The following CSMD2 variants were observed in gnomAD, a reference collection of about 807,000 sequenced individuals.
CSMD2 encodes the protein CUB and sushi domain-containing protein 2.
In CSMD2, 130 loss-of-function variants were observed where a neutral mutation model predicts 398.5. The observed-to-expected ratio is 0.33, with a 90% CI of 0.28 to 0.38. The LOEUF is 0.38. Ranked by LOEUF, CSMD2 falls within the 10% of genes least tolerant of loss-of-function variation. CSMD2 has a pLI of 1.00. For missense variants in CSMD2, 3,829 were observed against 4,764.9 expected, an observed-to-expected ratio of 0.80 and a Z score of 5.78; for synonymous variants, 1,828 against 1,908.5, an observed-to-expected ratio of 0.96 and a Z score of 1.10.
intron 49 of CSMD2, 84 bp from the exon 50 acceptor site, chr1:33,572,775 G>A: frequency 1.8e-6 from 2 of 1,142,490 alleles, no homozygotes; most frequent in Non-Finnish European, 2.4e-6. Flanking sequence ...CCCCTCCCAA[G>A]GTCCTTTTAT....
Position 33,518,389 on chromosome 1 carries a change from A to ATG in CSMD2, c.*53+1074_*53+1075dup, listed in dbSNP as rs3043318. On this transcript the variant is annotated intron_variant, in intron 70 of 70. Transcript: ENST00000373381. The surrounding 1 kb of genome is among the most constrained non-coding windows in gnomAD (Gnocchi z 4.3). The stretch of plus-strand genomic sequence containing the variant: ...TGCATGCCTGTGTGCATGTATGCGT[A>ATG]TGTGTGTGTGTGTGTGTGCATGACC... Among the ~76,000 whole-genome samples, 33 of 150,622 alleles carry ATG rather than the reference A, an allele frequency of 2.2e-4. No individual in the cohort carries two copies. Among genetic ancestry groups the ATG allele is most frequent in the Admixed American group, 1.1e-3 (17 of 15,136 alleles).
intron 4 of CSMD2, among the ~76,000 whole-genome samples, chr1:33,929,817 T>C (rs1644255168): frequency 6.6e-6 from 1 of 152,108 alleles, no homozygotes. Context: ...CTCAGGGCCT[T>C]TGCACTTGCT....
At chr1:33,745,230 A>T (rs4282780) in intron 13 of CSMD2, among the ~76,000 whole-genome samples, 47,831 of 152,104 alleles carry the variant, frequency 0.31, 9,665 homozygotes, top group African/African-American at 0.58. Context: ...TTTGTTTATA[A>T]ATGGATAAAG....
At chr1:34,024,630 G>A (rs1649383886) in intron 3 of CSMD2, among the ~76,000 whole-genome samples, 1 of 152,176 alleles carries the variant, frequency 6.6e-6, no homozygotes, top group African/African-American at 2.4e-5. Flanking sequence ...TCCCAAGGCA[G>A]AGCCATCGGA....
intron 25 of CSMD2, among the ~76,000 whole-genome samples, chr1:33,686,648 C>T (rs530885022): frequency 6.6e-6 from 1 of 152,336 alleles, no homozygotes; most frequent in Admixed American, 6.5e-5. Context: ...CCTTGCCCAG[C>T]TTGCTGGAGC....
At chr1:33,517,030 G>A (rs1432721792) in intron 70 of CSMD2, among the ~76,000 whole-genome samples, 1 of 151,950 alleles carries the variant, frequency 6.6e-6, no homozygotes, top group Non-Finnish European at 1.5e-5. Context: ...ATGGAGGAAG[G>A]GTTGGCAAAC....
At chr1:33,849,857 T>C (rs1638572815) in intron 5 of CSMD2, among the ~76,000 whole-genome samples, 1 of 152,012 alleles carries the variant, frequency 6.6e-6, no homozygotes, top group South Asian at 2.1e-4. Context: ...GTAAACTATA[T>C]TATAATAGAG....
intron 3 of CSMD2, among the ~76,000 whole-genome samples, chr1:34,017,054 T>C (rs1648231404): frequency 6.6e-6 from 1 of 152,232 alleles, no homozygotes; most frequent in Non-Finnish European, 1.5e-5. Context: ...GTCAATAGAA[T>C]GTCAACTTTG....
intron 1 of CSMD2, among the ~76,000 whole-genome samples, chr1:34,094,647 CA>C (rs1317204848): frequency 6.6e-6 from 1 of 152,042 alleles, no homozygotes; most frequent in Admixed American, 6.6e-5. Flanking sequence ...CAACAAAGAT[CA>C]AAAGAGACAA....
intron 2 of CSMD2, among the ~76,000 whole-genome samples, chr1:34,037,291 T>C (rs764411265): frequency 6.6e-6 from 1 of 151,960 alleles, no homozygotes; most frequent in African/African-American, 2.4e-5. Context: ...CCAGCCTGTA[T>C]TGCACCCTCC....
In CSMD2 at chr1:33,595,208, T is replaced by G. The variant is rs574411879; in HGVS notation, c.6856+5657A>C. ...CTCCTTTAGTCTGGAATGGTTCCAG[T>G]GTCTTTACTTGACCTTCAGAACTTT... On this transcript the variant is annotated intron_variant, in intron 44 of 70. Coordinates refer to ENST00000373381, the MANE Select transcript of CSMD2 (RefSeq NM_001281956.2). 2.6e-4 allele frequency among the ~76,000 whole-genome samples: 39 copies of G among 152,378 alleles called. 1 individual carries two copies. The highest frequency in any genetic ancestry group is 1.0e-3 in the Admixed American group (16 of 15,310).
chr1:33,778,942 C>T (rs1189319140), intron 12 of CSMD2, among the ~76,000 whole-genome samples: 1 of 152,134 alleles, frequency 6.6e-6, no homozygotes, highest in Admixed American at 6.5e-5. Flanking sequence ...CTCCCACATA[C>T]CCAGAACCCT....
chr1:33,724,101 A>C, intron 19 of CSMD2, 96 bp downstream of exon 19: 1 of 824,560 alleles, frequency 1.2e-6, no homozygotes, highest in South Asian at 1.5e-5. Flanking sequence ...AGAGGTCACT[A>C]TCTAGGGAGA....
intron 19 of CSMD2, among the ~76,000 whole-genome samples, chr1:33,720,111 C>T (rs1179432445): frequency 5.3e-5 from 8 of 152,186 alleles, no homozygotes; most frequent in Non-Finnish European, 8.8e-5. Flanking sequence ...TCTGTTAACC[C>T]GAGATACTCT....
At chr1:33,842,012 C>T (rs1293327356) in intron 6 of CSMD2, among the ~76,000 whole-genome samples, 1 of 152,172 alleles carries the variant, frequency 6.6e-6, no homozygotes, top group Non-Finnish European at 1.5e-5. Context: ...TAGTTAACTG[C>T]TCACTAGATA....
At chr1:34,107,426 T>C (rs1660631502) in intron 1 of CSMD2, among the ~76,000 whole-genome samples, 2 of 152,160 alleles carry the variant, frequency 1.3e-5, no homozygotes, top group African/African-American at 2.4e-5. Flanking sequence ...GTACATATAA[T>C]AATTCATTCC....
intron 1 of CSMD2, among the ~76,000 whole-genome samples, chr1:34,100,243 TA>T (rs1659817811): frequency 6.6e-6 from 1 of 152,080 alleles, no homozygotes; most frequent in Non-Finnish European, 1.5e-5. Context: ...AATGCAAGTA[TA>T]AAAAAATATA....
intron 21 of CSMD2, among the ~76,000 whole-genome samples, chr1:33,710,295 G>A (rs6676833): frequency 0.31 from 47,501 of 151,934 alleles, 8,410 homozygotes; most frequent in Middle Eastern, 0.46. Context: ...TGCCTGTCCT[G>A]TGTCCCCCAC....
chr1:33,764,193 G>A (rs1272620366), intron 13 of CSMD2, among the ~76,000 whole-genome samples: 2 of 152,112 alleles, frequency 1.3e-5, no homozygotes, highest in Non-Finnish European at 2.9e-5. Context: ...TGTACATTCT[G>A]AGAGGCAACA....
Sources: gnomAD v4.1 joint callset for allele counts (sites outside exome capture counted in the v4.1 genomes callset) on GRCh38, gnomAD v4.1.1 for gene constraint, Gnocchi (gnomAD v3.1) non-coding constraint, MANE v1.5 for transcripts, NCBI Gene and HGNC (gene_info 2026-07-23, HGNC 2026-07-21) for gene names.